SLC4A10: variants seen among roughly 807,000 people sequenced by gnomAD.
The protein encoded by SLC4A10 is sodium-driven chloride bicarbonate exchanger.
In SLC4A10, 42 loss-of-function variants were observed where a neutral mutation model predicts 137.7. The ratio of observed to expected loss-of-function variants is 0.30; its 90% confidence interval spans 0.24 to 0.39. The LOEUF is 0.39. Among genes scored for constraint, SLC4A10 ranks in the 10% least tolerant of loss-of-function variants. SLC4A10 has a pLI of 1.00. For missense variants in SLC4A10, 925 were observed against 1,355.0 expected (o/e 0.68, Z 4.98); for synonymous variants, 474 against 464.1 (o/e 1.02, Z -0.27).
intron 3 of SLC4A10, among the ~76,000 whole-genome samples, chr2:161,835,496 A>G (rs561660811): frequency 6.6e-6 from 1 of 152,348 alleles, no homozygotes; most frequent in Admixed American, 6.5e-5. Flanking sequence ...GAGAACTCCA[A>G]AATCTACACT....
Position 161,703,567 on chromosome 2 carries a change from A to C in SLC4A10, c.49-67406A>C, listed in dbSNP as rs530646323. ...TTGTATAGATATGAAGCACTTTTGT[A>C]ACTGGTACAAAAAGTTAGTCAAATA... On this transcript the variant is annotated intron_variant, in intron 1 of 26. Coordinates refer to ENST00000446997, the MANE Select transcript of SLC4A10 (RefSeq NM_001178015.2). Among the ~76,000 whole-genome samples, 6 of 151,724 alleles carry C rather than the reference A, an allele frequency of 4.0e-5. No homozygotes were observed. The South Asian group carries it at 1.2e-3, about 32-fold the overall frequency.
At chr2:161,908,460 T>G (rs1684993479) in intron 15 of SLC4A10, among the ~76,000 whole-genome samples, 2 of 135,486 alleles carry the variant, frequency 1.5e-5, no homozygotes, top group African/African-American at 2.7e-5. Flanking sequence ...GGGGGAGGGA[T>G]AGCATTAGGA....
chr2:161,730,038 C>G (rs16846073), intron 1 of SLC4A10, among the ~76,000 whole-genome samples: 16,148 of 152,092 alleles, frequency 0.11, 873 homozygotes, highest in East Asian at 0.14. Flanking sequence ...TAGATCCAAA[C>G]GCCTCAAATA....
At chr2:161,664,710 C>CTTT (rs1202235591) in intron 1 of SLC4A10, among the ~76,000 whole-genome samples, 2 of 24,290 alleles carry the variant, frequency 8.2e-5, no homozygotes, top group South Asian at 2.7e-3. Flanking sequence ...GATTTTTTCT[C>CTTT]CTTTTTTTTT....
At chr2:161,973,605 A>G (rs1253577772) in intron 23 of SLC4A10, among the ~76,000 whole-genome samples, 1 of 152,188 alleles carries the variant, frequency 6.6e-6, no homozygotes, top group African/African-American at 2.4e-5. Flanking sequence ...CTCAAGACAC[A>G]TCTGTGTTTT....
chr2:161,847,620 C>T (rs1271945208), intron 4 of SLC4A10, among the ~76,000 whole-genome samples: 3 of 152,114 alleles, frequency 2.0e-5, no homozygotes, highest in Admixed American at 2.0e-4. Context: ...CTTGTAAGAA[C>T]TTGCAGTATT....
intron 4 of SLC4A10, among the ~76,000 whole-genome samples, chr2:161,846,891 A>G (rs559228860): frequency 5.9e-5 from 9 of 152,182 alleles, no homozygotes; most frequent in African/African-American, 1.9e-4. Flanking sequence ...ACAGCTTCGT[A>G]TGTTGATTGT....
chr2:161,845,956 C>T (rs969306532), intron 4 of SLC4A10, among the ~76,000 whole-genome samples: 4 of 151,862 alleles, frequency 2.6e-5, no homozygotes, highest in Admixed American at 6.6e-5. Flanking sequence ...AAGCGCAATT[C>T]GTAAAAGGAA....
chr2:161,981,933 G>A (rs1190384990), intron 26 of SLC4A10, among the ~76,000 whole-genome samples: 1 of 152,196 alleles, frequency 6.6e-6, no homozygotes, highest in Non-Finnish European at 1.5e-5. Flanking sequence ...GGTGCCGGGT[G>A]GTGGTGACAA....
chr2:161,683,390 T>G (rs925614467), intron 1 of SLC4A10, among the ~76,000 whole-genome samples: 7 of 152,078 alleles, frequency 4.6e-5, no homozygotes, highest in African/African-American at 1.7e-4. Flanking sequence ...CCTTTAGAAA[T>G]AAGTTGCAGA....
intron 2 of SLC4A10, among the ~76,000 whole-genome samples, chr2:161,797,353 T>A (rs2054880422): frequency 6.6e-6 from 1 of 152,114 alleles, no homozygotes; most frequent in East Asian, 1.9e-4. Flanking sequence ...CCATGAAATT[T>A]TCACTGATTG....
intron 4 of SLC4A10, among the ~76,000 whole-genome samples, chr2:161,842,872 T>C (rs1366186067): frequency 2.0e-5 from 3 of 152,084 alleles, no homozygotes. Flanking sequence ...AAGTTAAAGT[T>C]CCTCCCTCCC....
intron 1 of SLC4A10, among the ~76,000 whole-genome samples, chr2:161,695,807 T>C (rs1325570543): frequency 6.6e-6 from 1 of 152,196 alleles, no homozygotes; most frequent in Non-Finnish European, 1.5e-5. Flanking sequence ...TCCTGCATTC[T>C]ACGACAATAA....
At chr2:161,934,170 A>G (rs1055232827) in intron 15 of SLC4A10, among the ~76,000 whole-genome samples, 10 of 152,070 alleles carry the variant, frequency 6.6e-5, no homozygotes, top group African/African-American at 2.4e-4. Context: ...AAACAATCCA[A>G]TTTTGCTCTT....
intron 1 of SLC4A10, among the ~76,000 whole-genome samples, chr2:161,743,701 C>A (rs796764619): frequency 2.0e-5 from 3 of 151,960 alleles, no homozygotes; most frequent in African/African-American, 7.2e-5. Context: ...ATAGGGATTG[C>A]ATTAAATCTA....
chr2:161,915,304 A>G (rs1472826513), intron 15 of SLC4A10, among the ~76,000 whole-genome samples: 1 of 152,126 alleles, frequency 6.6e-6, no homozygotes, highest in Non-Finnish European at 1.5e-5. Flanking sequence ...GCTCAATAAA[A>G]TTCTTTGCAT....
chr2:161,806,785 C>T (rs566003610), intron 3 of SLC4A10, among the ~76,000 whole-genome samples: 1 of 152,276 alleles, frequency 6.6e-6, no homozygotes, highest in East Asian at 1.9e-4. Context: ...ATTTTCCTAT[C>T]TTCTTCTGAC....
At chr2:161,820,109 T>A (rs191088895) in intron 3 of SLC4A10, among the ~76,000 whole-genome samples, 28 of 152,310 alleles carry the variant, frequency 1.8e-4, no homozygotes, top group Admixed American at 1.8e-3. Context: ...TACACAAAGA[T>A]ACTGAATAAA....
chr2:161,925,349 T>A (rs1688876025), intron 15 of SLC4A10, among the ~76,000 whole-genome samples: 1 of 152,194 alleles, frequency 6.6e-6, no homozygotes, highest in African/African-American at 2.4e-5. Context: ...GTGTTTGTAG[T>A]ATTCTCTGAT....
Sources: gnomAD v4.1 joint callset for allele counts (sites outside exome capture counted in the v4.1 genomes callset) on GRCh38, gnomAD v4.1.1 for gene constraint, MANE v1.5 for transcripts, NCBI Gene and HGNC (gene_info 2026-07-23, HGNC 2026-07-21) for gene names.